Variants in EXD1 observed in about 807,000 individuals in gnomAD.
EXD1 encodes exonuclease 3'-5' domain containing 1.
In EXD1, 63 loss-of-function variants were observed where a neutral mutation model predicts 49.1. The ratio of observed to expected loss-of-function variants is 1.28; its 90% CI spans 1.05 to 1.58. The LOEUF is 1.58. Among genes scored for constraint, EXD1 ranks in the 40% most tolerant of loss-of-function variants. The probability of loss-of-function intolerance (pLI) is 0.00; values close to 1 mark genes in which losing one functional copy is unlikely to be tolerated. For synonymous variants in EXD1, 234 were observed against 239.2 expected (o/e 0.98, Z 0.20); for missense variants, 748 against 666.0 (o/e 1.12, Z -1.36).
chr15:41,206,474 GA>G (rs34195951), intron 7 of EXD1, among the ~76,000 whole-genome samples: 5,771 of 87,142 alleles, frequency 0.066, 131 homozygotes, highest in Non-Finnish European at 0.11. Flanking sequence ...ACCCTGTCTC[GA>G]AAAAAAAAAA....
At chr15:41,191,963 T>TA in intron 9 of EXD1, 1 of 181,900 alleles carries the variant, frequency 5.5e-6, no homozygotes, top group Non-Finnish European at 1.1e-5. Context: ...TTTTTTTTTT[T>TA]AAGAGACAGG....
chr15:41,230,018 G>A (rs1375469544), intron 1 of EXD1, among the ~76,000 whole-genome samples: 2 of 151,664 alleles, frequency 1.3e-5, no homozygotes, highest in Admixed American at 1.3e-4. Context: ...AAGGGGTAAG[G>A]CAGGTGAAGC....
intron 7 of EXD1, among the ~76,000 whole-genome samples, chr15:41,204,769 T>C (rs551907999): frequency 7.2e-5 from 11 of 151,974 alleles, no homozygotes; most frequent in African/African-American, 2.4e-4. Context: ...CATATATATA[T>C]ACACATATAC....
chr15:41,201,983 G>A (rs1269159153), intron 7 of EXD1, among the ~76,000 whole-genome samples: 2 of 151,856 alleles, frequency 1.3e-5, no homozygotes, highest in Admixed American at 6.6e-5. Context: ...CAAGACCCCT[G>A]TCTGTACAAA....
chr15:41,219,997 T>TAAAA, intron 2 of EXD1, 99 bp from the exon 3 acceptor site: 8 of 600,688 alleles, frequency 1.3e-5, no homozygotes, highest in South Asian at 1.0e-4. Flanking sequence ...GAGTTGTATT[T>TAAAA]AAAAAAAAAA....
chr15:41,210,662 T>TA (rs147671305), intron 6 of EXD1, among the ~76,000 whole-genome samples: 15,510 of 146,360 alleles, frequency 0.11, 1,091 homozygotes, highest in East Asian at 0.2. Context: ...TCAGCCTGTG[T>TA]AAAAAAAAAA....
intron 1 of EXD1, 26 bp from the exon 2 acceptor site, chr15:41,226,654 G>T: frequency 6.9e-7 from 1 of 1,452,138 alleles, no homozygotes; most frequent in Non-Finnish European, 9.0e-7. Flanking sequence ...AGAGATCTAT[G>T]AATTTTAAAA....
In EXD1 at chr15:41,215,766, A is replaced by T. The variant is rs751948603; in HGVS notation, c.447+9T>A. ...GGCAATACTAGTAATGATTGAGGAC[A>T]ATACTTACCGCAGCACCAAACTTCT... On this transcript the variant is annotated intron_variant, in intron 6 of 11. Transcript: ENST00000458580. 1 of 1,613,424 alleles carries T rather than the reference A, an allele frequency of 6.2e-7. No homozygotes were observed. The highest frequency in any genetic ancestry group is 1.1e-5 in the South Asian group (1 of 91,064).
At chr15:41,209,896 G>C (rs2046895671) in intron 6 of EXD1, among the ~76,000 whole-genome samples, 1 of 152,096 alleles carries the variant, frequency 6.6e-6, no homozygotes, top group African/African-American at 2.4e-5. Flanking sequence ...TACAGAGAAA[G>C]AATCATAATC....
chr15:41,193,551 C>A (rs894931080), intron 9 of EXD1, among the ~76,000 whole-genome samples: 6 of 152,000 alleles, frequency 3.9e-5, no homozygotes, highest in African/African-American at 1.4e-4. Context: ...CCAGCCTGGA[C>A]AATATAGAGA....
At chr15:41,225,910 ACAAAAAAAAC>A (rs779736105) in intron 2 of EXD1, among the ~76,000 whole-genome samples, 19,683 of 145,056 alleles carry the variant, frequency 0.14, 2,035 homozygotes, top group African/African-American at 0.32. Context: ...ACAAAACAAA[ACAAAAAAAAC>A]CTTTTTATAT....
intron 11 of EXD1, among the ~76,000 whole-genome samples, chr15:41,186,894 C>CTTTTTTTTTTTT (rs374021562): frequency 1.6e-5 from 2 of 127,110 alleles, no homozygotes; most frequent in Non-Finnish European, 1.7e-5. Context: ...TTTTTTTTTT[C>CTTTTTTTTTTTT]TTTTTTTTTT....
intron 5 of EXD1, among the ~76,000 whole-genome samples, chr15:41,216,304 TA>T (rs539573586): frequency 2.8e-3 from 391 of 137,208 alleles, no homozygotes; most frequent in Non-Finnish European, 3.2e-3. Flanking sequence ...CTGACCTGGT[TA>T]AAAAAAAAAA....
At chr15:41,215,368 G>GA (rs1044906080) in intron 6 of EXD1, among the ~76,000 whole-genome samples, 1 of 151,738 alleles carries the variant, frequency 6.6e-6, no homozygotes, top group Non-Finnish European at 1.5e-5. Context: ...GAATTAATAG[G>GA]AAAAAAAATC....
chr15:41,218,359 C>T (rs1280683328), intron 3 of EXD1, among the ~76,000 whole-genome samples: 4 of 151,902 alleles, frequency 2.6e-5, no homozygotes, highest in African/African-American at 7.3e-5. Context: ...TGGTGGCACA[C>T]ACCTGTAATC....
intron 11 of EXD1, among the ~76,000 whole-genome samples, chr15:41,187,559 A>T (rs1287325843): frequency 6.6e-6 from 1 of 152,206 alleles, no homozygotes; most frequent in African/African-American, 2.4e-5. Flanking sequence ...ACTTTGACCA[A>T]TAATGCATGT....
chr15:41,212,183 C>T (rs1315342055), intron 6 of EXD1, among the ~76,000 whole-genome samples: 1 of 152,146 alleles, frequency 6.6e-6, no homozygotes, highest in Non-Finnish European at 1.5e-5. Context: ...GGCACAGTGG[C>T]TCACGCCTGT....
chr15:41,191,292 A>T (rs2046510460), intron 10 of EXD1, 150 bp downstream of exon 10: 4 of 707,556 alleles, frequency 5.7e-6, no homozygotes, highest in Non-Finnish European at 9.1e-6. Context: ...GAGACCAGAT[A>T]TAAACCATTC....
At chr15:41,212,316 G>A (rs936405941) in intron 6 of EXD1, among the ~76,000 whole-genome samples, 23 of 151,846 alleles carry the variant, frequency 1.5e-4, no homozygotes, top group African/African-American at 4.8e-4. Flanking sequence ...TAAGCCGGGC[G>A]TGGTGGCGGG....
Sources: gnomAD v4.1 joint callset for allele counts (sites outside exome capture counted in the v4.1 genomes callset) on GRCh38, gnomAD v4.1.1 for gene constraint, MANE v1.5 for transcripts, NCBI Gene and HGNC (gene_info 2026-07-23, HGNC 2026-07-21) for gene names.